ELP3: variants seen among roughly 807,000 people sequenced by gnomAD.
The protein encoded by ELP3 is elongator acetyltransferase complex subunit 3, also known as elongator complex protein 3.
A neutral mutation model predicts 74.9 loss-of-function variants in ELP3; 56 were observed. The observed-to-expected ratio is 0.75, with a 90% CI of 0.60 to 0.93. The LOEUF (loss-of-function observed/expected upper bound fraction) is 0.93, where lower values mean the gene tolerates loss of function less well. Among genes scored for constraint, ELP3 ranks in the 40% least tolerant of loss-of-function variants. ELP3 has a pLI of 0.00. For missense variants in ELP3, 573 were observed against 686.5 expected, an observed-to-expected ratio of 0.83 and a Z score of 1.85; for synonymous variants, 222 against 239.8, an observed-to-expected ratio of 0.93 and a Z score of 0.68.
At chr8:28,170,298 CA>C (rs1814469076) in intron 14 of ELP3, among the ~76,000 whole-genome samples, 1 of 152,192 alleles carries the variant, frequency 6.6e-6, no homozygotes, top group Non-Finnish European at 1.5e-5. Flanking sequence ...AGTAGGCATT[CA>C]GTACCTCTAA....
In ELP3 at chr8:28,135,365, A is replaced by C. The variant is rs371415843; in HGVS notation, c.907-2333A>C. 6.6e-4 allele frequency among the ~76,000 whole-genome samples: 100 copies of C among 152,294 alleles called. 1 individual carries two copies. In the South Asian group the frequency reaches 0.019, roughly 29 times the overall value. ...GCTTCTTTCTTTATGGGATTCCTAA[A>C]TGTCAGTATCGTGAACTCTTACGTA... On this transcript the variant is annotated intron_variant, in intron 9 of 14. Coordinates refer to ENST00000256398, the MANE Select transcript of ELP3 (RefSeq NM_018091.6).
chr8:28,189,528 T>C, intron 14 of ELP3, 121 bp from the exon 15 acceptor site: 1 of 813,136 alleles, frequency 1.2e-6, no homozygotes, highest in East Asian at 2.5e-5. Context: ...TAAGCTGAGA[T>C]TTTATGTGGG....
chr8:28,122,725 G>A (rs1308304559), intron 7 of ELP3, among the ~76,000 whole-genome samples: 1 of 152,112 alleles, frequency 6.6e-6, no homozygotes, highest in African/African-American at 2.4e-5. Flanking sequence ...TCTTTTCAAA[G>A]AAGTAGCTTT....
intron 14 of ELP3, among the ~76,000 whole-genome samples, chr8:28,175,078 A>C (rs554353716): frequency 6.6e-6 from 1 of 152,276 alleles, no homozygotes; most frequent in East Asian, 1.9e-4. Context: ...AGATTCTCTC[A>C]GGTTTTCAAC....
chr8:28,107,631 T>A (rs1811750447), intron 4 of ELP3, among the ~76,000 whole-genome samples: 1 of 152,206 alleles, frequency 6.6e-6, no homozygotes, highest in Admixed American at 6.5e-5. Flanking sequence ...TTAGGAAAAC[T>A]TCATTTCTGT....
chr8:28,110,460 T>A (rs1179628814), intron 6 of ELP3, 22 bp downstream of exon 6: 1 of 1,584,540 alleles, frequency 6.3e-7, no homozygotes, highest in African/African-American at 1.4e-5. Context: ...AAAAACATGT[T>A]TCTTAAAAAT....
At chr8:28,119,770 C>T (rs1294334473) in intron 7 of ELP3, among the ~76,000 whole-genome samples, 2 of 151,840 alleles carry the variant, frequency 1.3e-5, no homozygotes, top group African/African-American at 4.8e-5. Context: ...CTCCCCTGCG[C>T]CTCCCAGAGG....
At chr8:28,148,387 C>T (rs754831292) in intron 10 of ELP3, among the ~76,000 whole-genome samples, 2 of 149,814 alleles carry the variant, frequency 1.3e-5, no homozygotes, top group Admixed American at 6.6e-5. Context: ...CAGTCTTGAC[C>T]AGGGCATCCT....
chr8:28,160,263 G>C lies in ELP3; in HGVS notation c.1292G>C (p.Gly431Ala). ...GTAAGGAGAGATTATGTTGCAAATG[G>C]TGGCTGGGAAACATTCTTGTCATAC... is the stretch of plus-strand genomic sequence containing the variant. ...ELVRRDYVAN[G>A]GWETFLSYED... The change falls in exon 13 of 15, where the codon GGT becomes GCT. Residue 431 changes from glycine (G) to alanine (A), a missense_variant. Gly to Ala is a moderately conservative substitution (Grantham distance 60). Coordinates refer to ENST00000256398, the MANE Select transcript of ELP3 (RefSeq NM_018091.6). 2 of 1,614,118 alleles carry C rather than the reference G, an allele frequency of 1.2e-6. No homozygotes were observed. Among genetic ancestry groups the C allele is most frequent in the Non-Finnish European group, 1.7e-6 (2 of 1,180,006 alleles).
At chr8:28,110,495 C>G in intron 6 of ELP3, 57 bp downstream of exon 6, 1 of 1,356,782 alleles carries the variant, frequency 7.4e-7, no homozygotes, top group South Asian at 1.3e-5. Flanking sequence ...TAGTAAGAAG[C>G]CATTGTTGCT....
At chr8:28,120,651 T>G (rs1370444025) in intron 7 of ELP3, among the ~76,000 whole-genome samples, 2 of 152,216 alleles carry the variant, frequency 1.3e-5, no homozygotes, top group African/African-American at 4.8e-5. Context: ...TATTCTCCTG[T>G]GTTTTCTTCT....
chr8:28,130,207 G>A (rs1011248413), intron 8 of ELP3, among the ~76,000 whole-genome samples: 2 of 152,216 alleles, frequency 1.3e-5, no homozygotes, highest in African/African-American at 4.8e-5. Flanking sequence ...CCCGCGAAAG[G>A]TTAACTGTAT....
At chr8:28,130,607 G>C (rs1016689467) in intron 8 of ELP3, among the ~76,000 whole-genome samples, 2 of 152,222 alleles carry the variant, frequency 1.3e-5, no homozygotes, top group Admixed American at 1.3e-4. Flanking sequence ...GTGGGAAAAG[G>C]CTTCAACCAG....
chr8:28,136,498 G>A (rs1432997206), intron 9 of ELP3, among the ~76,000 whole-genome samples: 1 of 152,130 alleles, frequency 6.6e-6, no homozygotes, highest in Non-Finnish European at 1.5e-5. Flanking sequence ...TGGGATGGCT[G>A]CAGAATATTT....
chr8:28,176,303 G>A (rs181801469), intron 14 of ELP3, among the ~76,000 whole-genome samples: 70 of 152,298 alleles, frequency 4.6e-4, no homozygotes, highest in African/African-American at 1.7e-3. Flanking sequence ...TACACTCCAC[G>A]AAGGAAGTGA....
intron 14 of ELP3, among the ~76,000 whole-genome samples, chr8:28,180,129 G>A (rs73228808): frequency 0.11 from 17,246 of 151,988 alleles, 1,114 homozygotes; most frequent in East Asian, 0.31. Flanking sequence ...TGGATTTCCC[G>A]TTTGGGCTTC....
intron 14 of ELP3, among the ~76,000 whole-genome samples, chr8:28,173,058 G>A (rs990293047): frequency 9.9e-5 from 15 of 151,922 alleles, no homozygotes; most frequent in African/African-American, 2.9e-4. Context: ...GGAGTTTGGC[G>A]TCTGTATTCT....
chr8:28,123,974 G>A (rs891836676), intron 7 of ELP3, among the ~76,000 whole-genome samples: 8 of 151,792 alleles, frequency 5.3e-5, no homozygotes, highest in Non-Finnish European at 1.0e-4. Flanking sequence ...GCTCGTGTGT[G>A]CCTTTTAATT....
intron 14 of ELP3, among the ~76,000 whole-genome samples, chr8:28,164,461 A>C (rs1200011042): frequency 6.6e-6 from 1 of 152,158 alleles, no homozygotes; most frequent in Non-Finnish European, 1.5e-5. Context: ...ATTTCTATAC[A>C]AGGGGTTTCT....
Sources: allele counts gnomAD v4.1 joint callset (sites outside exome capture counted in the v4.1 genomes callset), GRCh38; gene constraint gnomAD v4.1.1; transcripts MANE v1.5; gene names NCBI Gene and HGNC (gene_info 2026-07-23, HGNC 2026-07-21).